Variants in NRG3 observed in about 807,000 individuals in gnomAD.
NRG3 encodes the protein pro-neuregulin-3, membrane-bound isoform.
NRG3 carries 31 observed loss-of-function variants against 66.9 expected under a neutral mutation model. The ratio of observed to expected loss-of-function variants is 0.46; its 90% CI spans 0.35 to 0.63. The LOEUF (loss-of-function observed/expected upper bound fraction) is 0.63. Among genes scored for constraint, NRG3 ranks in the 20% least tolerant of loss-of-function variants. The pLI, the probability that NRG3 is intolerant of heterozygous loss-of-function variation, is 0.00. For synonymous variants in NRG3, 393 were observed against 359.4 expected, an observed-to-expected ratio of 1.09 and a Z score of -1.06; for missense variants, 910 against 878.9, an observed-to-expected ratio of 1.04 and a Z score of -0.45.
chr10:82,026,449 T>A lies in NRG3; in HGVS notation c.823+150286T>A, dbSNP rs138665287. ...GCTAAAGTGCTCTTCAGGTTTATCT[T>A]GCTTCTGATACGTGTTACTGATGAT... On this transcript the variant is annotated intron_variant, in intron 1 of 8. Coordinates refer to ENST00000372141, the MANE Select transcript of NRG3 (RefSeq NM_001010848.4). Among the ~76,000 whole-genome samples, 278 of 152,232 alleles carry A rather than the reference T, an allele frequency of 1.8e-3. 2 individuals are homozygous for A. Among genetic ancestry groups the A allele is most frequent in the African/African-American group, 6.4e-3 (265 of 41,566 alleles).
At chr10:82,928,467 T>C (rs1011381116) in intron 4 of NRG3, among the ~76,000 whole-genome samples, 18 of 152,168 alleles carry the variant, frequency 1.2e-4, no homozygotes, top group Non-Finnish European at 4.4e-5. Flanking sequence ...TTTTTATAGT[T>C]TTAGGTCTTA....
chr10:82,652,689 C>T (rs928541087), intron 2 of NRG3, among the ~76,000 whole-genome samples: 8 of 152,160 alleles, frequency 5.3e-5, no homozygotes, highest in Non-Finnish European at 1.0e-4. Context: ...TGTCAGTTCT[C>T]ACTTTGAGCT....
At chr10:82,819,272 C>T (rs2061846643) in intron 3 of NRG3, among the ~76,000 whole-genome samples, 1 of 152,162 alleles carries the variant, frequency 6.6e-6, no homozygotes, top group South Asian at 2.1e-4. Flanking sequence ...AAAGCCAATG[C>T]TATGTCAACT....
At chr10:81,965,316 G>T (rs117199127) in intron 1 of NRG3, among the ~76,000 whole-genome samples, 4,614 of 152,312 alleles carry the variant, frequency 0.03, 99 homozygotes, top group Non-Finnish European at 0.045. Flanking sequence ...CTTATTAGAT[G>T]TGGGGACTTA....
chr10:82,250,821 C>T (rs1271553606), intron 1 of NRG3, among the ~76,000 whole-genome samples: 1 of 152,188 alleles, frequency 6.6e-6, no homozygotes, highest in Non-Finnish European at 1.5e-5. Context: ...TTGCCTGGTG[C>T]CTGGCTCTAG....
At chr10:82,511,360 C>T (rs1845149415) in intron 2 of NRG3, among the ~76,000 whole-genome samples, 1 of 152,176 alleles carries the variant, frequency 6.6e-6, no homozygotes, top group Non-Finnish European at 1.5e-5. Flanking sequence ...CCCAGCTTAT[C>T]ACTTAAAATC....
At chr10:82,552,425 A>G (rs2132903632) in intron 2 of NRG3, among the ~76,000 whole-genome samples, 1 of 152,266 alleles carries the variant, frequency 6.6e-6, no homozygotes, top group Non-Finnish European at 1.5e-5. Context: ...TGGAAGCTAA[A>G]ATTGTCTCTT....
intron 2 of NRG3, among the ~76,000 whole-genome samples, chr10:82,580,177 TTA>T (rs2046272422): frequency 6.6e-6 from 1 of 152,014 alleles, no homozygotes; most frequent in African/African-American, 2.4e-5. Context: ...TTGAATCCAC[TTA>T]TATAAAATCT....
rs551559521 is a variant in NRG3 at position 82,349,767 on chromosome 10, G to GT, written c.824-8971dup. The stretch of plus-strand genomic sequence containing the variant: ...GCCAGGTGCGGGATAGAATCTCTTG[G>GT]TGTGCCGTTTTTTAAGCCAGTCGGA... On this transcript the variant is annotated intron_variant, in intron 1 of 8. Coordinates refer to ENST00000372141, the MANE Select transcript of NRG3 (RefSeq NM_001010848.4). Among the ~76,000 whole-genome samples, 74 of 152,350 alleles carry GT rather than the reference G, an allele frequency of 4.9e-4. 1 individual carries two copies. In the East Asian group the frequency reaches 0.012, roughly 24 times the overall value.
At chr10:82,190,384 A>G (rs1287083341) in intron 1 of NRG3, among the ~76,000 whole-genome samples, 1 of 152,210 alleles carries the variant, frequency 6.6e-6, no homozygotes, top group Non-Finnish European at 1.5e-5. Flanking sequence ...TTAAATTGAA[A>G]TAGATAATTT....
intron 2 of NRG3, among the ~76,000 whole-genome samples, chr10:82,428,081 A>T (rs1412146265): frequency 6.6e-6 from 1 of 151,682 alleles, no homozygotes; most frequent in Non-Finnish European, 1.5e-5. Flanking sequence ...AGCAATTTGA[A>T]CTTCTGTATT....
At chr10:82,520,937 G>C (rs564664803) in intron 2 of NRG3, among the ~76,000 whole-genome samples, 1 of 152,246 alleles carries the variant, frequency 6.6e-6, no homozygotes, top group African/African-American at 2.4e-5. Context: ...AGGATTGCCA[G>C]TTAAAATACA....
intron 3 of NRG3, among the ~76,000 whole-genome samples, chr10:82,855,388 G>A (rs2063754548): frequency 1.3e-5 from 2 of 151,274 alleles, no homozygotes; most frequent in South Asian, 2.1e-4. Context: ...TCTATTAACC[G>A]TAAACTCGTC....
chr10:82,048,342 G>C (rs1009156602), intron 1 of NRG3, among the ~76,000 whole-genome samples: 2 of 151,690 alleles, frequency 1.3e-5, no homozygotes, highest in Non-Finnish European at 2.9e-5. Flanking sequence ...TGACCACATA[G>C]TTGGAAGTAA....
intron 2 of NRG3, among the ~76,000 whole-genome samples, chr10:82,480,631 T>C (rs2132142060): frequency 6.6e-6 from 1 of 152,324 alleles, no homozygotes. Flanking sequence ...TGTTTGTGTT[T>C]TGCCAGCCCC....
At position 82,132,494 on chromosome 10, in the gene NRG3, T is replaced by C. The variant is rs200540981; in HGVS notation, c.824-226245T>C. Reference sequence around the variant, plus strand: ...ATATATATATGATATATATATATGATATATATATATCATATATATATGATA... The same window carrying C: ...ATATATATATGATATATATATATGACATATATATATCATATATATATGATA... On this transcript the variant is annotated intron_variant, in intron 1 of 8. Transcript: ENST00000372141. Among the ~76,000 whole-genome samples the C allele has an allele frequency of 1.8e-3, 80 of 44,294 alleles. 1 individual carries two copies. The highest frequency in any genetic ancestry group is 4.5e-3 in the East Asian group (8 of 1,760). The allele number at this position is 44,294 out of a possible 152,430, so 29.1% of individuals were successfully genotyped here.
intron 2 of NRG3, among the ~76,000 whole-genome samples, chr10:82,612,920 A>G (rs183582171): frequency 6.2e-4 from 94 of 152,324 alleles, no homozygotes; most frequent in African/African-American, 2.2e-3. Context: ...GCTGTGAAGT[A>G]TGAAGCATTA....
chr10:82,063,814 T>C (rs993225596), intron 1 of NRG3, among the ~76,000 whole-genome samples: 2 of 152,158 alleles, frequency 1.3e-5, no homozygotes, highest in African/African-American at 2.4e-5. Context: ...AGCAAGTCCC[T>C]CCCACCATCG....
chr10:82,309,918 A>T (rs1390369942), intron 1 of NRG3, among the ~76,000 whole-genome samples: 1 of 152,164 alleles, frequency 6.6e-6, no homozygotes, highest in Non-Finnish European at 1.5e-5. Context: ...TGGCAACATC[A>T]GCTTCAACCT....
Sources: gnomAD v4.1 joint callset for allele counts (sites outside exome capture counted in the v4.1 genomes callset) on GRCh38, gnomAD v4.1.1 for gene constraint, MANE v1.5 for transcripts, NCBI Gene and HGNC (gene_info 2026-07-23, HGNC 2026-07-21) for gene names.